Variants in REV1 observed in about 807,000 individuals in gnomAD.
REV1 encodes the protein translesion synthesis protein REV1.
Under a neutral mutation model 137.4 loss-of-function variants are expected in REV1, and 42 were observed. The observed-to-expected ratio is 0.31, with a 90% CI of 0.24 to 0.40. The LOEUF (loss-of-function observed/expected upper bound fraction) is 0.40, where lower values mean the gene tolerates loss of function less well. Among genes scored for constraint, REV1 ranks in the 10% least tolerant of loss-of-function variants. The pLI is 1.00. For synonymous variants in REV1, 524 were observed against 519.2 expected, an observed-to-expected ratio of 1.01 and a Z score of -0.12; for missense variants, 1,282 against 1,490.1, an observed-to-expected ratio of 0.86 and a Z score of 2.30.
At chr2:99,435,793 C>A in intron 7 of REV1, 41 bp downstream of exon 7, 1 of 961,268 alleles carries the variant, frequency 1.0e-6, no homozygotes, top group South Asian at 1.5e-5. Context: ...ATATTTATAA[C>A]AATATATCAG....
chr2:99,489,832 AGACCACCATGCCCG>A lies in REV1; in HGVS notation c.-40_-27del, dbSNP rs1687520490. 7.5e-6 allele frequency: 1 copy of A among 133,958 alleles called. No individual in the cohort carries two copies. Among genetic ancestry groups the A allele is most frequent in the Non-Finnish European group, 1.6e-5 (1 of 62,704 alleles). The allele number at this position is 133,958 out of a possible 1,614,324, so 8.3% of individuals were successfully genotyped here. On this transcript the variant is annotated 5_prime_UTR_variant, in exon 1 of 23. An upstream start codon of the reference 5' UTR is lost. Transcript: ENST00000258428. ...GGTCGCTCACCTTCCGCGTTGCCCC[AGACCACCATGCCCG>A]GGCCCGGCGGCCTTCTCCGGCCTTG...
intron 3 of REV1, among the ~76,000 whole-genome samples, chr2:99,455,266 A>G (rs1683406310): frequency 6.6e-6 from 1 of 152,198 alleles, no homozygotes; most frequent in African/African-American, 2.4e-5. Flanking sequence ...GAGTTTCACA[A>G]TCTTATGAAT....
intron 4 of REV1, among the ~76,000 whole-genome samples, chr2:99,445,029 CAT>C (rs1306405326): frequency 4.0e-5 from 6 of 151,848 alleles, no homozygotes; most frequent in Non-Finnish European, 8.8e-5. Context: ...AAAGAGTTTA[CAT>C]TCTATACAAC....
In REV1 at chr2:99,438,702, A is replaced by G. The variant is rs1681080297; in HGVS notation, c.1112T>C (p.Phe371Ser). 1.2e-6 allele frequency: 2 copies of G among 1,613,848 alleles called. No homozygotes were observed. The highest frequency in any genetic ancestry group is 1.7e-6 in the Non-Finnish European group (2 of 1,179,708). The part of the protein sequence containing the change: ...ISMWKCELTE[F>S]VNTLQRQSNG... ...ACTTTGTCTTTGTAGGGTATTGACA[A>G]ACTCAGTCAATTCACACTTCCACAT... Residue 371 changes from phenylalanine to serine, a missense_variant, in exon 6 of 23, where the codon TTT (phenylalanine) becomes TCT (serine). By Grantham distance (155) the Phe-to-Ser change is radical (BLOSUM62 -2). Around this residue, in one of 7 missense-constraint regions of REV1, gnomAD observed 432 missense variants for 438.0 expected, o/e 0.99. Coordinates refer to ENST00000258428, the MANE Select transcript of REV1 (RefSeq NM_016316.4).
intron 2 of REV1, 40 bp from the exon 3 acceptor site, chr2:99,462,662 AT>A: frequency 6.4e-7 from 1 of 1,573,562 alleles, no homozygotes; most frequent in Non-Finnish European, 8.6e-7. Context: ...CAAAGGTTAC[AT>A]TTTCTCCCCC....
intron 1 of REV1, among the ~76,000 whole-genome samples, chr2:99,480,398 G>A (rs777755607): frequency 6.6e-6 from 1 of 152,186 alleles, no homozygotes; most frequent in Non-Finnish European, 1.5e-5. Flanking sequence ...AGATGTAGAG[G>A]TAGACAAACT....
chr2:99,406,514 G>T (rs760867506), intron 15 of REV1, 24 bp from the exon 16 acceptor site: 1 of 1,533,298 alleles, frequency 6.5e-7, no homozygotes, highest in Non-Finnish European at 8.8e-7. Context: ...TAAAGAGTAT[G>T]CTTCTAGGAA....
chr2:99,441,814 A>C (rs1300868931), intron 5 of REV1, among the ~76,000 whole-genome samples: 1 of 152,340 alleles, frequency 6.6e-6, no homozygotes, highest in East Asian at 1.9e-4. Context: ...ACTTACATTT[A>C]TGAAATTATC....
chr2:99,412,671 G>C (rs80261526), intron 13 of REV1, 60 bp downstream of exon 13: 15,636 of 1,212,358 alleles, frequency 0.013, 133 homozygotes, highest in Middle Eastern at 0.015. Context: ...AGTTGTAGAG[G>C]TAGGACTATG....
chr2:99,411,556 G>T (rs926207401), intron 13 of REV1, among the ~76,000 whole-genome samples: 8 of 151,496 alleles, frequency 5.3e-5, no homozygotes, highest in African/African-American at 1.9e-4. Flanking sequence ...GCAGGCGCCT[G>T]CCACAATGTC....
In REV1 at chr2:99,453,226, G is replaced by T. The variant is rs958374401; in HGVS notation, c.182-3722C>A. Among the ~76,000 whole-genome samples, 3 of 151,268 alleles carry T rather than the reference G, an allele frequency of 2.0e-5. No homozygotes were observed. In the East Asian group the frequency reaches 5.9e-4, roughly 30 times the overall value. On this transcript the variant is annotated intron_variant, in intron 3 of 22. Transcript: ENST00000258428. ...ATACAAAAATTAGCTGGGCATGGTGGCACGTGCCTGTAGTCCCAGCTACTC... is the reference window on the plus strand; with the variant it reads ...ATACAAAAATTAGCTGGGCATGGTGTCACGTGCCTGTAGTCCCAGCTACTC...
Position 99,429,933 on chromosome 2 carries a change from G to T in REV1, c.1454C>A (p.Ser485Ter). Residue 485 changes from serine to a stop codon, truncating the protein, a stop_gained, in exon 9 of 23, where the codon TCA (serine) becomes TAA (stop). Coordinates refer to ENST00000258428, the MANE Select transcript of REV1 (RefSeq NM_016316.4). LOFTEE classifies it high-confidence loss of function. ...AGAATCTGGATTCTCCCACAATGATGAATCTGGTATATCTGCTTTAAAAAT... is the reference window on the plus strand; with the variant it reads ...AGAATCTGGATTCTCCCACAATGATTAATCTGGTATATCTGCTTTAAAAAT... ...LKGKAADIPDSSLWENPDSAQ... is the reference protein window; with the variant it reads ...LKGKAADIPD The T allele has an allele frequency of 6.3e-7, 1 of 1,595,764 alleles. No homozygotes were observed. The highest frequency in any genetic ancestry group is 8.5e-7 in the Non-Finnish European group (1 of 1,170,474).
intron 1 of REV1, among the ~76,000 whole-genome samples, chr2:99,489,388 T>A (rs1277381443): frequency 6.6e-6 from 1 of 151,834 alleles, no homozygotes; most frequent in African/African-American, 2.4e-5. Flanking sequence ...CGCGCGTGAA[T>A]GAATGGCGCG....
chr2:99,403,588 TAATGC>T (rs1675827286), intron 19 of REV1, 102 bp downstream of exon 19: 1 of 1,404,918 alleles, frequency 7.1e-7, no homozygotes, highest in Non-Finnish European at 1.0e-6. Context: ...GAAGAGCTCT[TAATGC>T]AACAGCTTAG....
At chr2:99,460,353 G>A (rs1260992860) in intron 3 of REV1, among the ~76,000 whole-genome samples, 1 of 152,186 alleles carries the variant, frequency 6.6e-6, no homozygotes, top group African/African-American at 2.4e-5. Context: ...GGGATTGCAG[G>A]CGTGAGCCAC....
intron 8 of REV1, 117 bp from the exon 9 acceptor site, chr2:99,430,065 A>C (rs1679922152): frequency 1.8e-6 from 1 of 566,548 alleles, no homozygotes; most frequent in East Asian, 3.2e-5. Context: ...TTCCAAATAC[A>C]GTTATCTCTA....
intron 1 of REV1, among the ~76,000 whole-genome samples, chr2:99,476,081 G>GT (rs1282495990): frequency 6.6e-6 from 1 of 152,168 alleles, no homozygotes; most frequent in Non-Finnish European, 1.5e-5. Flanking sequence ...GCAACTTTAC[G>GT]TAACTTTTTC....
intron 9 of REV1, among the ~76,000 whole-genome samples, chr2:99,428,867 C>T (rs1389450878): frequency 3.3e-5 from 5 of 151,970 alleles, no homozygotes. Flanking sequence ...TGGCGAGCAC[C>T]TGTAGTCCCA....
At chr2:99,484,649 A>C (rs533719705) in intron 1 of REV1, among the ~76,000 whole-genome samples, 2 of 152,266 alleles carry the variant, frequency 1.3e-5, no homozygotes, top group South Asian at 4.1e-4. Flanking sequence ...AAAACATTTC[A>C]CTTATAATAC....
Sources: allele counts gnomAD v4.1 joint callset (sites outside exome capture counted in the v4.1 genomes callset), GRCh38; gene constraint gnomAD v4.1.1; regional missense constraint gnomAD v4.1.1; transcripts MANE v1.5; gene names NCBI Gene and HGNC (gene_info 2026-07-23, HGNC 2026-07-21).